Variants in CCDC60 observed in about 807,000 individuals in gnomAD.
CCDC60 encodes coiled-coil domain containing 60, also known as coiled-coil domain-containing protein 60.
A neutral mutation model predicts 63.5 loss-of-function variants in CCDC60; 54 were observed. The observed-to-expected ratio is 0.85, with a 90% CI of 0.68 to 1.07. The LOEUF is 1.07. CCDC60 is among the 50% of genes least tolerant of loss of function. CCDC60 has a pLI of 0.00. For missense variants in CCDC60, 651 were observed against 684.3 expected (o/e 0.95, Z 0.54); for synonymous variants, 206 against 238.8 (o/e 0.86, Z 1.27).
chr12:119,398,960 A>G (rs1386754093), intron 1 of CCDC60, among the ~76,000 whole-genome samples: 1 of 152,186 alleles, frequency 6.6e-6, no homozygotes, highest in African/African-American at 2.4e-5. Context: ...CAATATTATG[A>G]ATGTCTCCTT....
chr12:119,516,986 AC>A (rs767655533), intron 8 of CCDC60, among the ~76,000 whole-genome samples: 4 of 152,040 alleles, frequency 2.6e-5, no homozygotes, highest in Middle Eastern at 3.2e-3. Flanking sequence ...GACCTTTCTT[AC>A]CAATTTATTT....
intron 2 of CCDC60, among the ~76,000 whole-genome samples, chr12:119,465,183 G>A (rs756752099): frequency 1.3e-5 from 2 of 151,890 alleles, no homozygotes; most frequent in Non-Finnish European, 2.9e-5. Flanking sequence ...CCTGGTGGCG[G>A]GCGCCTGTAG....
At chr12:119,461,449 T>G (rs1168806405) in intron 2 of CCDC60, among the ~76,000 whole-genome samples, 1 of 152,122 alleles carries the variant, frequency 6.6e-6, no homozygotes, top group African/African-American at 2.4e-5. Flanking sequence ...CTAGGCTTCC[T>G]TCCTTCTGTC....
chr12:119,352,843 A>T (rs1955670650), intron 1 of CCDC60, among the ~76,000 whole-genome samples: 1 of 152,166 alleles, frequency 6.6e-6, no homozygotes, highest in Admixed American at 6.5e-5. Flanking sequence ...GGGAGGCTGA[A>T]GCAGGAGAAT....
At chr12:119,444,241 G>A (rs1050490408) in intron 2 of CCDC60, among the ~76,000 whole-genome samples, 3 of 152,190 alleles carry the variant, frequency 2.0e-5, no homozygotes, top group South Asian at 2.1e-4. Context: ...CAATGAAAGC[G>A]TTTAGAATAG....
chr12:119,512,056 G>A (rs113523719), intron 7 of CCDC60, among the ~76,000 whole-genome samples: 2,471 of 152,216 alleles, frequency 0.016, 60 homozygotes, highest in African/African-American at 0.056. Flanking sequence ...CAGCCTAGAT[G>A]GCTCCAAAGT....
chr12:119,507,631 C>T (rs1368346895), intron 7 of CCDC60, among the ~76,000 whole-genome samples: 1,269 of 23,464 alleles, frequency 0.054, 1 homozygote, highest in Non-Finnish European at 0.087. Flanking sequence ...TTTTTTTTTT[C>T]TAGAAACAGG....
At chr12:119,429,393 G>GT (rs1287851729) in intron 2 of CCDC60, among the ~76,000 whole-genome samples, 1 of 151,932 alleles carries the variant, frequency 6.6e-6, no homozygotes, top group Non-Finnish European at 1.5e-5. Flanking sequence ...CCCCTTAACT[G>GT]TTTCCTGAGA....
At chr12:119,406,085 C>T (rs770046347) in intron 1 of CCDC60, among the ~76,000 whole-genome samples, 3 of 152,062 alleles carry the variant, frequency 2.0e-5, no homozygotes, top group South Asian at 2.1e-4. Flanking sequence ...GCAGGAGAAT[C>T]GCTTGAACCC....
At chr12:119,394,682 A>G (rs1265630495) in intron 1 of CCDC60, among the ~76,000 whole-genome samples, 2 of 152,212 alleles carry the variant, frequency 1.3e-5, no homozygotes, top group African/African-American at 4.8e-5. Context: ...TTTGTCCTTC[A>G]TGTCCTTTTT....
chr12:119,457,848 T>G (rs766571169), intron 2 of CCDC60, among the ~76,000 whole-genome samples: 3 of 152,254 alleles, frequency 2.0e-5, no homozygotes, highest in Non-Finnish European at 4.4e-5. Flanking sequence ...CATTTGCATT[T>G]TAATGAATGA....
chr12:119,489,777 C>T (rs1951540843), intron 5 of CCDC60, among the ~76,000 whole-genome samples: 1 of 151,970 alleles, frequency 6.6e-6, no homozygotes, highest in Admixed American at 6.6e-5. Flanking sequence ...CCAGGTGGAT[C>T]CAGTCTTCCT....
chr12:119,449,224 C>T (rs540771786), intron 2 of CCDC60, among the ~76,000 whole-genome samples: 5 of 152,234 alleles, frequency 3.3e-5, no homozygotes, highest in Non-Finnish European at 5.9e-5. Context: ...ATATTAAATG[C>T]CAGATCTGCC....
Position 119,540,839 on chromosome 12 carries a change from C to A in CCDC60, c.*124C>A. 1.5e-6 allele frequency: 1 copy of A among 653,974 alleles called. No homozygotes were observed. 40.5% of individuals were successfully genotyped at this position (653,974 alleles called of 1,614,324 possible). ...GATGCTCTTTATGGATGACCCTTTA[C>A]AGTAGGGTCATCTGGAGACTGACTT... On this transcript the variant is annotated 3_prime_UTR_variant, in exon 14 of 14. Transcript: ENST00000327554.
In CCDC60 at chr12:119,393,826, A is replaced by G. The variant is rs150468070; in HGVS notation, c.91-34857A>G. On this transcript the variant is annotated intron_variant, in intron 1 of 13. Transcript: ENST00000327554. Reference sequence around the variant, plus strand: ...GAGCAAGGAAATAAGGATTCATTTAATAAATGACACAAGGTCAGATGACCT... The same window carrying G: ...GAGCAAGGAAATAAGGATTCATTTAGTAAATGACACAAGGTCAGATGACCT... Among the ~76,000 whole-genome samples, 1,031 of 152,368 alleles carry G rather than the reference A, an allele frequency of 6.8e-3. 13 individuals are homozygous for G. Among genetic ancestry groups the G allele is most frequent in the African/African-American group, 0.024 (981 of 41,584 alleles).
intron 2 of CCDC60, among the ~76,000 whole-genome samples, chr12:119,466,948 G>A (rs895749503): frequency 1.7e-4 from 26 of 152,156 alleles, no homozygotes; most frequent in African/African-American, 6.3e-4. Context: ...GTTTACCATT[G>A]CCATGGCAAC....
chr12:119,530,742 G>A, intron 12 of CCDC60, 132 bp from the exon 13 acceptor site: 2 of 650,914 alleles, frequency 3.1e-6, no homozygotes. Flanking sequence ...ACAGAGGAAA[G>A]GTCCCTAGAT....
intron 13 of CCDC60, among the ~76,000 whole-genome samples, chr12:119,533,073 G>T (rs1173511492): frequency 6.6e-6 from 1 of 152,080 alleles, no homozygotes; most frequent in African/African-American, 2.4e-5. Flanking sequence ...ATCCTCTCCA[G>T]CATTTATTGT....
rs562246227 is a variant in CCDC60, at chr12:119,510,342, G to T, written c.883+5039G>T. 8.5e-5 allele frequency among the ~76,000 whole-genome samples: 13 copies of T among 152,154 alleles called. No homozygotes were observed. In the South Asian group the frequency reaches 2.7e-3, roughly 32 times the overall value. On this transcript the variant is annotated intron_variant, in intron 7 of 13. Coordinates refer to ENST00000327554, the MANE Select transcript of CCDC60 (RefSeq NM_178499.5). Reference sequence around the variant, plus strand: ...TTCTTTTTAAACAATGCACACTCTTGTATGACTCTCTCTACTTGAAATGCC... The same window carrying T: ...TTCTTTTTAAACAATGCACACTCTTTTATGACTCTCTCTACTTGAAATGCC...
Sources: allele counts gnomAD v4.1 joint callset (sites outside exome capture counted in the v4.1 genomes callset), GRCh38; gene constraint gnomAD v4.1.1; transcripts MANE v1.5; gene names NCBI Gene and HGNC (gene_info 2026-07-23, HGNC 2026-07-21).